Variants in NETO1 observed in about 807,000 individuals in gnomAD.
NETO1 encodes the protein neuropilin and tolloid like 1.
In NETO1, 26 loss-of-function variants were observed where a neutral mutation model predicts 61.3. That is an observed-to-expected ratio of 0.42 (90% CI 0.31 to 0.59). The LOEUF (loss-of-function observed/expected upper bound fraction) is 0.59, where lower values mean the gene tolerates loss of function less well. Ranked by LOEUF, NETO1 falls within the 20% of genes least tolerant of loss-of-function variation. The pLI is 0.12. For missense variants in NETO1, 531 were observed against 662.8 expected (o/e 0.80, Z 2.18); for synonymous variants, 225 against 225.8 (o/e 1.00, Z 0.03).
chr18:72,835,531 C>A (rs542634176), intron 4 of NETO1, among the ~76,000 whole-genome samples: 2 of 152,208 alleles, frequency 1.3e-5, no homozygotes, highest in South Asian at 4.1e-4. Context: ...AAAGCTAAGA[C>A]ATAGATTCAA....
intron 3 of NETO1, 89 bp from the exon 4 acceptor site, chr18:72,859,163 A>G: frequency 7.7e-7 from 1 of 1,296,380 alleles, no homozygotes; most frequent in Non-Finnish European, 1.1e-6. Context: ...TTATTTGTAC[A>G]TCTTCTCTCA....
chr18:72,753,071 G>C (rs1246538663), intron 8 of NETO1, among the ~76,000 whole-genome samples: 1 of 151,886 alleles, frequency 6.6e-6, no homozygotes, highest in African/African-American at 2.4e-5. Context: ...AAGAAACAAA[G>C]GAGAGATGGA....
At chr18:72,786,715 G>T (rs192777790) in intron 6 of NETO1, among the ~76,000 whole-genome samples, 1 of 151,626 alleles carries the variant, frequency 6.6e-6, no homozygotes, top group African/African-American at 2.4e-5. Flanking sequence ...ATTATTCAGA[G>T]AATTTCAGAA....
In NETO1 at chr18:72,819,878, G is replaced by A. The variant is rs554694034; in HGVS notation, c.470-25474C>T. On this transcript the variant is annotated intron_variant, in intron 4 of 10. Coordinates refer to ENST00000327305, the MANE Select transcript of NETO1 (RefSeq NM_138966.5). ...GAATGGAAAAGAACCTCTAATTTCA[G>A]GATATTACATTCAGACATTATATTA... Among the ~76,000 whole-genome samples the A allele has an allele frequency of 5.3e-5, 8 of 152,100 alleles. No individual in the cohort carries two copies. The East Asian group carries it at 1.5e-3, about 29-fold the overall frequency.
intron 6 of NETO1, among the ~76,000 whole-genome samples, chr18:72,784,303 C>CA (rs1459776367): frequency 6.6e-6 from 1 of 151,970 alleles, no homozygotes; most frequent in Non-Finnish European, 1.5e-5. Flanking sequence ...CAAAAATGTA[C>CA]AAAAATATGT....
chr18:72,807,755 C>CACACACA lies in NETO1; in HGVS notation c.470-13352_470-13351insTGTGTGT, dbSNP rs749448020. ...ACACACACACACACACACACACACA[C>CACACACA]CCATACTGTCCAAATGCTGGAGTTT... On this transcript the variant is annotated intron_variant, in intron 4 of 10. Coordinates refer to ENST00000327305, the MANE Select transcript of NETO1 (RefSeq NM_138966.5). 3.1e-4 allele frequency among the ~76,000 whole-genome samples: 13 copies of CACACACA among 42,364 alleles called. No homozygotes were observed. In the South Asian group the frequency reaches 4.3e-3, roughly 14 times the overall value. The allele number at this position is 42,364 out of a possible 152,430, so 27.8% of individuals were successfully genotyped here.
chr18:72,760,655 C>A (rs1289430242), intron 7 of NETO1, among the ~76,000 whole-genome samples: 1 of 152,150 alleles, frequency 6.6e-6, no homozygotes, highest in Non-Finnish European at 1.5e-5. Flanking sequence ...TGCTCAGTTA[C>A]CACATCTGTA....
intron 10 of NETO1, chr18:72,748,451 A>T (rs1243351487): frequency 4.5e-6 from 1 of 222,774 alleles, no homozygotes; most frequent in East Asian, 1.8e-4. Context: ...TTTTGCATTC[A>T]AATTTTATAG....
At chr18:72,856,713 A>G (rs1447914980) in intron 4 of NETO1, among the ~76,000 whole-genome samples, 3 of 152,168 alleles carry the variant, frequency 2.0e-5, no homozygotes. Context: ...TGTCCTGGAG[A>G]CCATCATCTC....
intron 4 of NETO1, among the ~76,000 whole-genome samples, chr18:72,855,271 C>G (rs2074381842): frequency 6.6e-6 from 1 of 152,180 alleles, no homozygotes; most frequent in South Asian, 2.1e-4. Context: ...CTCTGCGCCC[C>G]CTGGCCCTTC....
At chr18:72,785,704 T>G (rs541041274) in intron 6 of NETO1, among the ~76,000 whole-genome samples, 1 of 152,346 alleles carries the variant, frequency 6.6e-6, no homozygotes, top group Admixed American at 6.5e-5. Context: ...TTAAAAAGTC[T>G]AAAAACATCA....
At chr18:72,776,314 A>G (rs1178626945) in intron 7 of NETO1, among the ~76,000 whole-genome samples, 19 of 152,148 alleles carry the variant, frequency 1.2e-4, no homozygotes, top group Admixed American at 1.2e-3. Flanking sequence ...TACCAGAACA[A>G]CATCAAGCCG....
intron 6 of NETO1, among the ~76,000 whole-genome samples, chr18:72,791,283 T>G (rs1052394805): frequency 6.6e-6 from 1 of 152,358 alleles, no homozygotes. Context: ...TATTCAGCAC[T>G]TTCTTTGTGC....
At chr18:72,765,517 C>T in intron 7 of NETO1, among the ~76,000 whole-genome samples, 1 of 152,030 alleles carries the variant, frequency 6.6e-6, no homozygotes, top group Non-Finnish European at 1.5e-5. Flanking sequence ...TGCCCAGGTT[C>T]AAGCAATTCT....
intron 4 of NETO1, among the ~76,000 whole-genome samples, chr18:72,813,237 AC>A (rs1249859903): frequency 1.3e-5 from 2 of 152,204 alleles, no homozygotes; most frequent in African/African-American, 4.8e-5. Context: ...CACCTCAAAT[AC>A]GTAAGACCCG....
intron 4 of NETO1, among the ~76,000 whole-genome samples, chr18:72,839,934 T>C (rs941413968): frequency 2.0e-5 from 3 of 152,226 alleles, no homozygotes; most frequent in African/African-American, 7.2e-5. Context: ...CAGTAGGTAC[T>C]CAATGAACAT....
chr18:72,812,938 TTAAAG>T (rs1352924130), intron 4 of NETO1, among the ~76,000 whole-genome samples: 6 of 152,228 alleles, frequency 3.9e-5, no homozygotes, highest in African/African-American at 1.4e-4. Flanking sequence ...AGGATTTACT[TTAAAG>T]TAATAAAAGA....
rs555052723 is a variant in NETO1, at chr18:72,830,486, C to T, written c.469+28340G>A. On this transcript the variant is annotated intron_variant, in intron 4 of 10. Coordinates refer to ENST00000327305, the MANE Select transcript of NETO1 (RefSeq NM_138966.5). The surrounding 1 kb of genome is among the most constrained non-coding windows in gnomAD (Gnocchi z 4.9). ...CTAAACAAGGAGTCCAAAAAACAAA[C>T]ACAAATGACAAAAATAACAATGATC... Among the ~76,000 whole-genome samples, 9 of 152,210 alleles carry T rather than the reference C, an allele frequency of 5.9e-5. No homozygotes were observed. The East Asian group carries it at 1.7e-3, about 29-fold the overall frequency.
rs1568250701 is a variant in NETO1, at chr18:72,842,700, C to T, written c.469+16126G>A. Among the ~76,000 whole-genome samples the T allele has an allele frequency of 4.6e-5, 7 of 152,142 alleles. No homozygotes were observed. In the South Asian group the frequency reaches 1.4e-3, roughly 31 times the overall value. ...TTTACTTGTTGACAATGGGATAGCT[C>T]AACATGTAAAAATCTCAGCTTTGCT... On this transcript the variant is annotated intron_variant, in intron 4 of 10. Transcript: ENST00000327305.
Sources: allele counts gnomAD v4.1 joint callset (sites outside exome capture counted in the v4.1 genomes callset), GRCh38; gene constraint gnomAD v4.1.1; non-coding constraint Gnocchi (gnomAD v3.1); transcripts MANE v1.5; gene names NCBI Gene and HGNC (gene_info 2026-07-23, HGNC 2026-07-21).